The following MNAT1 variants were observed in gnomAD, a reference collection of about 807,000 sequenced individuals.
The protein encoded by MNAT1 is CDK-activating kinase assembly factor MAT1.
Under a neutral mutation model 42.0 loss-of-function variants are expected in MNAT1, and 43 were observed. The ratio of observed to expected loss-of-function variants is 1.02; its 90% CI spans 0.80 to 1.32. The LOEUF is 1.32. Ranked by LOEUF, MNAT1 falls within the 40% of genes most tolerant of loss-of-function variation. The pLI, the probability that MNAT1 is intolerant of heterozygous loss-of-function variation, is 0.00. For missense variants in MNAT1, 306 were observed against 350.4 expected, an observed-to-expected ratio of 0.87 and a Z score of 1.01; for synonymous variants, 118 against 120.0, an observed-to-expected ratio of 0.98 and a Z score of 0.11.
intron 7 of MNAT1, among the ~76,000 whole-genome samples, chr14:60,927,591 A>C (rs1321975435): frequency 1.3e-5 from 2 of 152,142 alleles, no homozygotes; most frequent in Admixed American, 6.6e-5. Context: ...ATTCTTAATA[A>C]TTTTATGTTT....
intron 7 of MNAT1, among the ~76,000 whole-genome samples, chr14:60,889,431 A>T (rs1403072478): frequency 1.3e-5 from 2 of 152,132 alleles, no homozygotes; most frequent in African/African-American, 4.8e-5. Flanking sequence ...CCTTCCTTAC[A>T]CCTTATACAA....
At chr14:60,843,004 A>G (rs748300254) in intron 6 of MNAT1, among the ~76,000 whole-genome samples, 2 of 152,214 alleles carry the variant, frequency 1.3e-5, no homozygotes, top group African/African-American at 4.8e-5. Flanking sequence ...TCAAACCGTC[A>G]TAAGTCAGGG....
At chr14:60,787,810 C>T (rs1315141598) in intron 1 of MNAT1, among the ~76,000 whole-genome samples, 2 of 152,168 alleles carry the variant, frequency 1.3e-5, no homozygotes, top group African/African-American at 4.8e-5. Context: ...TGCAGCAATT[C>T]AGTCACATCT....
chr14:60,806,802 A>C (rs1288380032), intron 3 of MNAT1, among the ~76,000 whole-genome samples: 2 of 152,192 alleles, frequency 1.3e-5, no homozygotes, highest in Admixed American at 1.3e-4. Context: ...TGCTTAGAGG[A>C]TGGCCTATTA....
chr14:60,874,713 G>A (rs1264809924), intron 6 of MNAT1, among the ~76,000 whole-genome samples: 1 of 151,862 alleles, frequency 6.6e-6, no homozygotes, highest in East Asian at 1.9e-4. Flanking sequence ...TCTTTAATTT[G>A]AATCCTCCTT....
At chr14:60,745,574 G>A (rs979300573) in intron 1 of MNAT1, among the ~76,000 whole-genome samples, 1 of 151,970 alleles carries the variant, frequency 6.6e-6, no homozygotes, top group African/African-American at 2.4e-5. Flanking sequence ...GTACCACCAC[G>A]CCTGGCTAAT....
intron 7 of MNAT1, among the ~76,000 whole-genome samples, chr14:60,958,144 T>C (rs1174314946): frequency 1.3e-5 from 2 of 152,314 alleles, no homozygotes; most frequent in East Asian, 1.9e-4. Context: ...CTCTATACTT[T>C]CATGTTTCTA....
At chr14:60,852,364 T>C (rs1477825540) in intron 6 of MNAT1, among the ~76,000 whole-genome samples, 1 of 152,214 alleles carries the variant, frequency 6.6e-6, no homozygotes. Flanking sequence ...CTTTGCCCAC[T>C]TTTTGATGGG....
At chr14:60,935,131 T>C (rs947837553) in intron 7 of MNAT1, among the ~76,000 whole-genome samples, 1 of 152,192 alleles carries the variant, frequency 6.6e-6, no homozygotes, top group Non-Finnish European at 1.5e-5. Flanking sequence ...GTGTTTTCCT[T>C]TTCCCTAAGT....
intron 6 of MNAT1, among the ~76,000 whole-genome samples, chr14:60,851,771 C>T (rs376814566): frequency 5.3e-5 from 8 of 152,104 alleles, no homozygotes; most frequent in Admixed American, 2.6e-4. Context: ...TTCACTGTTC[C>T]GCTCCCACTT....
At position 60,818,835 on chromosome 14, in the gene MNAT1, A is replaced by G. The variant is rs756453155; in HGVS notation, c.675A>G (p.Thr225=). 3 of 1,612,230 alleles carry G rather than the reference A, an allele frequency of 1.9e-6. No homozygotes were observed. The East Asian group carries it at 6.7e-5, about 36-fold the overall frequency. Residue 225 remains threonine, a synonymous_variant, in exon 6 of 8, where the codon ACA becomes ACG. Coordinates refer to ENST00000261245, the MANE Select transcript of MNAT1 (RefSeq NM_002431.4). ...PKPVKPVTFS[T]GIKMGQHISL... ...CTGTAAAACCAGTGACGTTTTCCAC[A>G]GGCATCAAAATGGTAAGCCTTATTT... is the stretch of plus-strand genomic sequence containing the variant.
At chr14:60,774,138 A>G (rs192126748) in intron 1 of MNAT1, among the ~76,000 whole-genome samples, 217 of 152,372 alleles carry the variant, frequency 1.4e-3, no homozygotes, top group Non-Finnish European at 2.0e-3. Context: ...ATCAATTTCT[A>G]ACAAGAATTT....
intron 7 of MNAT1, among the ~76,000 whole-genome samples, chr14:60,883,205 T>C (rs986640344): frequency 2.0e-5 from 3 of 152,134 alleles, no homozygotes; most frequent in Admixed American, 1.3e-4. Context: ...GTAGGTTAAA[T>C]AGTTTGAGGT....
In MNAT1 at chr14:60,909,109, C is replaced by T. The variant is rs552493207; in HGVS notation, c.809+29274C>T. Among the ~76,000 whole-genome samples the T allele has an allele frequency of 8.9e-4, 135 of 152,328 alleles. 2 individuals carry two copies. Among genetic ancestry groups the T allele is most frequent in the Non-Finnish European group, 1.5e-3 (103 of 68,018 alleles). On this transcript the variant is annotated intron_variant, in intron 7 of 7. Transcript: ENST00000261245. ...AATTTTTTCATGTGTCTGTTGGCTG[C>T]ATAAATCTCTTCTTTTGAGAAGTGT...
intron 7 of MNAT1, among the ~76,000 whole-genome samples, chr14:60,900,212 A>G (rs1305564752): frequency 2.0e-5 from 3 of 152,224 alleles, no homozygotes; most frequent in African/African-American, 7.2e-5. Flanking sequence ...ATGAAAAGAT[A>G]GAAGTGATTA....
At chr14:60,831,379 C>T (rs1238414421) in intron 6 of MNAT1, among the ~76,000 whole-genome samples, 1 of 152,094 alleles carries the variant, frequency 6.6e-6, no homozygotes, top group Non-Finnish European at 1.5e-5. Context: ...TCCCTGTGTC[C>T]ATGTGTTCTC....
chr14:60,796,100 A>G, intron 1 of MNAT1, 117 bp from the exon 2 acceptor site: 1 of 839,166 alleles, frequency 1.2e-6, no homozygotes, highest in Non-Finnish European at 1.7e-6. Flanking sequence ...TAAGATTTTA[A>G]ATAGAAGTGA....
chr14:60,845,361 AGT>A (rs1244380532), intron 6 of MNAT1, among the ~76,000 whole-genome samples: 3 of 151,938 alleles, frequency 2.0e-5, no homozygotes, highest in Non-Finnish European at 2.9e-5. Flanking sequence ...TTTCATCTAA[AGT>A]GTATTTGTTG....
chr14:60,914,343 G>T (rs547216699), intron 7 of MNAT1, among the ~76,000 whole-genome samples: 1 of 152,250 alleles, frequency 6.6e-6, no homozygotes, highest in Non-Finnish European at 1.5e-5. Flanking sequence ...TGCACCCACT[G>T]TCCGGCACTT....
Sources: gnomAD v4.1 joint callset for allele counts (sites outside exome capture counted in the v4.1 genomes callset) on GRCh38, gnomAD v4.1.1 for gene constraint, MANE v1.5 for transcripts, NCBI Gene and HGNC (gene_info 2026-07-23, HGNC 2026-07-21) for gene names.